The following PAK6 variants were observed in gnomAD, a reference collection of about 807,000 sequenced individuals.
PAK6 encodes serine/threonine-protein kinase PAK 6.
A neutral mutation model predicts 60.8 loss-of-function variants in PAK6; 33 were observed. The ratio of observed to expected loss-of-function variants is 0.54; its 90% CI spans 0.41 to 0.73. The LOEUF (loss-of-function observed/expected upper bound fraction) is 0.73, where lower values mean the gene tolerates loss of function less well. Among genes scored for constraint, PAK6 ranks in the 30% least tolerant of loss-of-function variants. The pLI, the probability that PAK6 is intolerant of heterozygous loss-of-function variation, is 0.00. For missense variants in PAK6, 845 were observed against 904.1 expected (o/e 0.93, Z 0.84); for synonymous variants, 404 against 378.5 (o/e 1.07, Z -0.78).
At chr15:40,263,878 G>A (rs1225897990) in intron 3 of PAK6, 1 of 455,754 alleles carries the variant, frequency 2.2e-6, no homozygotes. Context: ...CGGCCTCCCA[G>A]AGTACTAGGA....
At chr15:40,253,237 A>G (rs11636097) in exon 3 of PAK6, 119,812 of 455,848 alleles carry the variant, frequency 0.26, 17,947 homozygotes, top group Non-Finnish European at 0.34. Context: ...CGCCTAAGAG[A>G]GAGGCCCAGT....
intron 3 of PAK6, among the ~76,000 whole-genome samples, chr15:40,254,804 C>T (rs2038790800): frequency 6.6e-6 from 1 of 152,210 alleles, no homozygotes; most frequent in Admixed American, 6.5e-5. Flanking sequence ...CTCGCAGTAG[C>T]TACAATTAGC....
At chr15:40,269,448 A>C (rs891270874) in intron 5 of PAK6, among the ~76,000 whole-genome samples, 1 of 152,240 alleles carries the variant, frequency 6.6e-6, no homozygotes, top group African/African-American at 2.4e-5. Flanking sequence ...CTGTAAATGT[A>C]TGCATGACTC....
chr15:40,254,381 T>C (rs986214736), intron 3 of PAK6, among the ~76,000 whole-genome samples: 77 of 152,094 alleles, frequency 5.1e-4, no homozygotes, highest in African/African-American at 1.8e-3. Flanking sequence ...GCAATAGGAA[T>C]AAAGTAAAGG....
At chr15:40,271,952 C>G (rs1401546986) in intron 5 of PAK6, among the ~76,000 whole-genome samples, 1 of 152,206 alleles carries the variant, frequency 6.6e-6, no homozygotes, top group East Asian at 1.9e-4. Flanking sequence ...GGGAGCTGGC[C>G]TTCTCTGTCT....
Position 40,272,733 on chromosome 15 carries a change from G to A in PAK6, c.1356+12G>A. 2.5e-6 allele frequency: 4 copies of A among 1,582,762 alleles called. No individual in the cohort carries two copies. Among genetic ancestry groups the A allele is most frequent in the Non-Finnish European group, 3.4e-6 (4 of 1,165,756 alleles). Reference sequence around the variant, plus strand: ...TGCTCTTCAACGAGGTGGGAGGACAGGGTGGGACACAGACGGGGGCGTTGG... The same window carrying A: ...TGCTCTTCAACGAGGTGGGAGGACAAGGTGGGACACAGACGGGGGCGTTGG... On this transcript the variant is annotated intron_variant, in intron 6 of 10. Coordinates refer to ENST00000560346, the Ensembl canonical transcript of PAK6.
chr15:40,266,520 G>A (rs780960505), intron 5 of PAK6, 25 bp downstream of exon 5: 60 of 1,567,368 alleles, frequency 3.8e-5, no homozygotes, highest in Non-Finnish European at 5.1e-5. Flanking sequence ...TGGCCTGCAG[G>A]TGTCCACTGG....
At chr15:40,267,590 C>T (rs1450644473) in intron 5 of PAK6, among the ~76,000 whole-genome samples, 1 of 152,152 alleles carries the variant, frequency 6.6e-6, no homozygotes, top group Non-Finnish European at 1.5e-5. Context: ...ACCCGGGAGG[C>T]AGAGCTTGCC....
chr15:40,252,714 A>G, intron 2 of PAK6: 1 of 1,304,132 alleles, frequency 7.7e-7, no homozygotes, highest in Non-Finnish European at 1.0e-6. Flanking sequence ...GCTGCCCCGG[A>G]GGTTCGCGGC....
intron 5 of PAK6, among the ~76,000 whole-genome samples, chr15:40,269,178 C>G (rs954928241): frequency 6.6e-6 from 1 of 152,104 alleles, no homozygotes; most frequent in African/African-American, 2.4e-5. Flanking sequence ...TCCACCATAC[C>G]CAACTAATTT....
intron 2 of PAK6, among the ~76,000 whole-genome samples, chr15:40,241,661 G>C (rs1435168345): frequency 6.6e-6 from 1 of 152,200 alleles, no homozygotes; most frequent in African/African-American, 2.4e-5. Context: ...GCACCTGAGA[G>C]GGGGAGTGTG....
At chr15:40,266,686 CCTT>C (rs1459554285) in intron 5 of PAK6, 191 bp downstream of exon 5, 5 of 517,286 alleles carry the variant, frequency 9.7e-6, no homozygotes, top group Non-Finnish European at 1.7e-5. Flanking sequence ...CCCTTCCTTT[CCTT>C]CTTTTCTCTG....
exon 5 of PAK6, chr15:40,266,465 C>T (rs1434688015): frequency 6.2e-7 from 1 of 1,610,004 alleles, no homozygotes; most frequent in East Asian, 2.2e-5. Flanking sequence ...CTCCAAGCAG[C>T]AGCAAGCCAG....
exon 6 of PAK6, chr15:40,272,439 G>A (rs768435763): frequency 2.1e-5 from 34 of 1,613,538 alleles, no homozygotes; most frequent in Admixed American, 1.7e-5. Flanking sequence ...GGCACGCCCA[G>A]ATCAGCACCA....
chr15:40,268,848 A>G (rs539744910), intron 5 of PAK6, among the ~76,000 whole-genome samples: 2 of 152,326 alleles, frequency 1.3e-5, no homozygotes, highest in South Asian at 4.1e-4. Flanking sequence ...GTACTCCGAT[A>G]TATGTCAAGG....
At chr15:40,245,911 G>C (rs6492938) in intron 2 of PAK6, 77,831 of 152,148 alleles carry the variant, frequency 0.51, 19,971 homozygotes, top group African/African-American at 0.54. Context: ...GGCCTGGCCT[G>C]ACACATTGGG....
intron 2 of PAK6, chr15:40,251,454 A>C (rs1332223928): frequency 1.3e-5 from 2 of 152,396 alleles, no homozygotes; most frequent in East Asian, 3.8e-4. Context: ...CCTATAATGC[A>C]AAAGATTGAG....
intron 2 of PAK6, among the ~76,000 whole-genome samples, chr15:40,241,284 C>T (rs28459035): frequency 0.093 from 14,191 of 152,188 alleles, 2,131 homozygotes; most frequent in African/African-American, 0.32. Flanking sequence ...AGGCTAACGT[C>T]TTGTGGTCTC....
chr15:40,261,826 C>G (rs1235662558), intron 3 of PAK6, among the ~76,000 whole-genome samples: 3 of 152,188 alleles, frequency 2.0e-5, no homozygotes, highest in African/African-American at 7.2e-5. Flanking sequence ...CTCACCATCA[C>G]CACTCCTGGC....
Sources: gnomAD v4.1 joint callset for allele counts (sites outside exome capture counted in the v4.1 genomes callset) on GRCh38, gnomAD v4.1.1 for gene constraint, MANE v1.5 for transcripts, NCBI Gene and HGNC (gene_info 2026-07-23, HGNC 2026-07-21) for gene names.